ARHGEF7: variants seen among roughly 807,000 people sequenced by gnomAD.
ARHGEF7 encodes the protein Rho guanine nucleotide exchange factor 7, also known as PAK-interacting exchange factor beta.
In ARHGEF7, 33 loss-of-function variants were observed where a neutral mutation model predicts 109.8. The ratio of observed to expected loss-of-function variants is 0.30; its 90% confidence interval spans 0.23 to 0.40. The LOEUF is 0.40. Among genes scored for constraint, ARHGEF7 ranks in the 10% least tolerant of loss-of-function variants. The pLI is 1.00. For synonymous variants in ARHGEF7, 458 were observed against 424.6 expected, an observed-to-expected ratio of 1.08 and a Z score of -0.97; for missense variants, 938 against 1,098.5, an observed-to-expected ratio of 0.85 and a Z score of 2.07.
In ARHGEF7 at chr13:111,244,276, C is replaced by T; in HGVS notation, c.932C>T (p.Ser311Phe). 1 of 1,600,000 alleles carries T rather than the reference C, an allele frequency of 6.3e-7. No individual in the cohort carries two copies. ...ICSFQQMLVQSLEECTKLPEA... is the reference protein window; with the variant it reads ...ICSFQQMLVQFLEECTKLPEA... ...TCTTTCCAGCAAATGCTCGTACAGT[C>T]TTTAGAAGAATGCACCAAGTAAGTA... Residue 311 changes from serine (S) to phenylalanine (F), a missense_variant, in exon 8 of 22, where the codon TCT becomes TTT. Physicochemically the swap from Ser to Phe is radical, Grantham distance 155. This residue lies in a region of ARHGEF7 where 585 missense variants were observed against 723.6 expected (regional missense o/e 0.81). Coordinates refer to ENST00000646102, the MANE Select transcript of ARHGEF7 (RefSeq NM_001354046.2).
chr13:111,158,856 A>C (rs1355602770), intron 2 of ARHGEF7, among the ~76,000 whole-genome samples: 1 of 152,188 alleles, frequency 6.6e-6, no homozygotes, highest in East Asian at 1.9e-4. Context: ...CATACTTCTT[A>C]TTTCTTTGTG....
At position 111,121,481 on chromosome 13, in the gene ARHGEF7, T is replaced by C. The variant is rs545719285; in HGVS notation, c.165+5790T>C. ...TTAGAGGCCACTGATCACTCTAAAATGTAAAGAGTGGAGGCGATGGGGGCT... is the reference window on the plus strand; with the variant it reads ...TTAGAGGCCACTGATCACTCTAAAACGTAAAGAGTGGAGGCGATGGGGGCT... On this transcript the variant is annotated intron_variant, in intron 1 of 21. Coordinates refer to ENST00000646102, the MANE Select transcript of ARHGEF7 (RefSeq NM_001354046.2). Among the ~76,000 whole-genome samples the C allele has an allele frequency of 7.9e-4, 120 of 152,330 alleles. 2 individuals are homozygous for C. Among genetic ancestry groups the C allele is most frequent in the South Asian group, 1.4e-3 (7 of 4,834 alleles).
chr13:111,191,584 T>C (rs1423892547), intron 2 of ARHGEF7, among the ~76,000 whole-genome samples: 1 of 152,158 alleles, frequency 6.6e-6, no homozygotes, highest in Non-Finnish European at 1.5e-5. Context: ...TGGGAGTGGC[T>C]ACGTAAGCAG....
At chr13:111,235,798 C>G (rs945190938) in intron 6 of ARHGEF7, among the ~76,000 whole-genome samples, 1 of 152,210 alleles carries the variant, frequency 6.6e-6, no homozygotes, top group Non-Finnish European at 1.5e-5. Context: ...CATTTCTACA[C>G]CCCCTTTTGT....
At chr13:111,302,956 G>A in intron 21 of ARHGEF7, 35 bp from the exon 22 acceptor site, 1 of 1,611,746 alleles carries the variant, frequency 6.2e-7, no homozygotes, top group Non-Finnish European at 8.5e-7. Flanking sequence ...CGATGCCAAA[G>A]ATAGTGAACA....
intron 13 of ARHGEF7, among the ~76,000 whole-genome samples, chr13:111,278,278 GCTGT>G (rs1210505020): frequency 3.9e-5 from 6 of 152,142 alleles, no homozygotes; most frequent in African/African-American, 1.2e-4. Flanking sequence ...TGGTATTTTC[GCTGT>G]CTGTCTAGTA....
At chr13:111,142,059 ATTTCT>A (rs1238800293) in intron 1 of ARHGEF7, among the ~76,000 whole-genome samples, 3 of 152,000 alleles carry the variant, frequency 2.0e-5, no homozygotes, top group African/African-American at 7.2e-5. Context: ...TTTAATTTAC[ATTTCT>A]TTTATAATAT....
At chr13:111,187,776 G>A (rs1354026583) in intron 2 of ARHGEF7, among the ~76,000 whole-genome samples, 1 of 152,134 alleles carries the variant, frequency 6.6e-6, no homozygotes, top group Non-Finnish European at 1.5e-5. Context: ...CCCAAACATT[G>A]GAGTGTCCTT....
At chr13:111,221,157 ATGTC>A (rs2083814989) in intron 5 of ARHGEF7, among the ~76,000 whole-genome samples, 2 of 93,232 alleles carry the variant, frequency 2.1e-5, no homozygotes, top group Non-Finnish European at 4.1e-5. Flanking sequence ...ATAGATATAT[ATGTC>A]TATATATATC....
intron 19 of ARHGEF7, chr13:111,293,011 A>T (rs2093337095): frequency 3.0e-6 from 3 of 985,358 alleles, no homozygotes; most frequent in Non-Finnish European, 3.6e-6. Flanking sequence ...CCAAAGGCAG[A>T]GCTTACTGTC....
At position 111,230,209 on chromosome 13, in the gene ARHGEF7, T is replaced by C. The variant is rs957247063; in HGVS notation, c.671-2996T>C. 5.9e-5 allele frequency among the ~76,000 whole-genome samples: 9 copies of C among 152,210 alleles called. No individual in the cohort carries two copies. The South Asian group carries it at 1.9e-3, about 32-fold the overall frequency. On this transcript the variant is annotated intron_variant, in intron 5 of 21. Transcript: ENST00000646102. ...AAGACTTGCTGCCCCAGTCAGCCCTTGGAAAGGTAGCACTAAGCTACATTC... is the reference window on the plus strand; with the variant it reads ...AAGACTTGCTGCCCCAGTCAGCCCTCGGAAAGGTAGCACTAAGCTACATTC...
chr13:111,287,057 T>C (rs1356394487), intron 17 of ARHGEF7, among the ~76,000 whole-genome samples: 1 of 152,242 alleles, frequency 6.6e-6, no homozygotes, highest in African/African-American at 2.4e-5. Context: ...ACGCTCACTG[T>C]GCCATGCCAC....
At chr13:111,297,353 C>G (rs1309444445) in intron 19 of ARHGEF7, among the ~76,000 whole-genome samples, 1 of 152,184 alleles carries the variant, frequency 6.6e-6, no homozygotes, top group Non-Finnish European at 1.5e-5. Context: ...AGCAGTACAT[C>G]CTATCTGTGA....
intron 2 of ARHGEF7, among the ~76,000 whole-genome samples, chr13:111,179,562 A>G (rs796791612): frequency 6.6e-6 from 1 of 152,176 alleles, no homozygotes; most frequent in African/African-American, 2.4e-5. Context: ...GCTATATCCT[A>G]TAATGTTATC....
At chr13:111,250,674 C>G in intron 8 of ARHGEF7, among the ~76,000 whole-genome samples, 1 of 152,184 alleles carries the variant, frequency 6.6e-6, no homozygotes, top group East Asian at 1.9e-4. Flanking sequence ...TCAAACCCAG[C>G]TGCAAATGGG....
At chr13:111,223,858 A>ATTTT (rs35652076) in intron 5 of ARHGEF7, among the ~76,000 whole-genome samples, 28 of 139,064 alleles carry the variant, frequency 2.0e-4, no homozygotes, top group African/African-American at 7.2e-4. Context: ...TTTCTATAGC[A>ATTTT]TTTTTTTTTT....
chr13:111,119,043 C>T (rs765881202), intron 1 of ARHGEF7, among the ~76,000 whole-genome samples: 7 of 152,182 alleles, frequency 4.6e-5, no homozygotes, highest in African/African-American at 9.7e-5. Context: ...TGCAGGGCCT[C>T]GTGCCCTCAG....
In ARHGEF7 at chr13:111,221,445, CTATA is replaced by C. The variant is rs1312782041; in HGVS notation, c.670+3572_670+3575del. On this transcript the variant is annotated intron_variant, in intron 5 of 21. Coordinates refer to ENST00000646102, the MANE Select transcript of ARHGEF7 (RefSeq NM_001354046.2). ...TATATCTATATATAGATATATATAT[CTATA>C]TATATAGATATATAGACATCTATAT... Among the ~76,000 whole-genome samples, 79 of 61,534 alleles carry C rather than the reference CTATA, an allele frequency of 1.3e-3. 14 individuals carry two copies. The highest frequency in any genetic ancestry group is 6.1e-3 in the African/African-American group (79 of 12,866). The allele number at this position is 61,534 out of a possible 152,430, so 40.4% of individuals were successfully genotyped here. A position where few individuals can be genotyped will look rare whatever the true frequency, so the allele number is the denominator to read the frequency against.
rs528537128 is a variant in ARHGEF7 at position 111,227,401 on chromosome 13, C to A, written c.671-5804C>A. The stretch of plus-strand genomic sequence containing the variant: ...CCATAGCCACCGCAGCCTTCTGCAG[C>A]CACTGATCAGTCAGCAGCCATCCAT... On this transcript the variant is annotated intron_variant, in intron 5 of 21. Coordinates refer to ENST00000646102, the MANE Select transcript of ARHGEF7 (RefSeq NM_001354046.2). 2.0e-5 allele frequency among the ~76,000 whole-genome samples: 3 copies of A among 152,326 alleles called. No individual in the cohort carries two copies. The East Asian group carries it at 5.8e-4, about 29-fold the overall frequency.
Sources: gnomAD v4.1 joint callset for allele counts (sites outside exome capture counted in the v4.1 genomes callset) on GRCh38, gnomAD v4.1.1 for gene constraint, gnomAD v4.1.1 regional missense constraint, MANE v1.5 for transcripts, NCBI Gene and HGNC (gene_info 2026-07-23, HGNC 2026-07-21) for gene names.